The following TATDN3 variants were observed in gnomAD, a reference collection of about 807,000 sequenced individuals.
The protein encoded by TATDN3 is TatD DNase domain containing 3, also known as deoxyribonuclease TATDN3.
TATDN3 carries 29 observed loss-of-function variants against 40.1 expected under a neutral mutation model. The ratio of observed to expected loss-of-function variants is 0.72; its 90% CI spans 0.54 to 0.99. The LOEUF (loss-of-function observed/expected upper bound fraction) is 0.99, where lower values mean the gene tolerates loss of function less well. Ranked by LOEUF, TATDN3 falls within the 50% of genes least tolerant of loss-of-function variation. TATDN3 has a pLI of 0.00. For missense variants in TATDN3, 309 were observed against 321.9 expected, an observed-to-expected ratio of 0.96 and a Z score of 0.31; for synonymous variants, 105 against 117.0, an observed-to-expected ratio of 0.90 and a Z score of 0.66.
intron 9 of TATDN3, among the ~76,000 whole-genome samples, chr1:212,813,677 T>C (rs569296616): frequency 1.1e-3 from 170 of 151,352 alleles, no homozygotes; most frequent in African/African-American, 3.8e-3. Context: ...CCATCAGGCA[T>C]GTGCTACCAT....
intron 1 of TATDN3, among the ~76,000 whole-genome samples, chr1:212,794,206 G>C (rs1033650079): frequency 1.3e-5 from 2 of 151,850 alleles, no homozygotes; most frequent in Admixed American, 1.3e-4. Flanking sequence ...GTGTGAACCC[G>C]GGAGGCGGAG....
intron 8 of TATDN3, among the ~76,000 whole-genome samples, chr1:212,808,937 A>C (rs1272850285): frequency 6.6e-6 from 1 of 152,260 alleles, no homozygotes; most frequent in East Asian, 1.9e-4. Context: ...AAAAAGTAGA[A>C]ACAACCTAGA....
At chr1:212,796,935 C>T (rs994965978) in intron 3 of TATDN3, 177 bp from the exon 4 acceptor site, 20 of 538,354 alleles carry the variant, frequency 3.7e-5, no homozygotes, top group African/African-American at 3.3e-4. Flanking sequence ...AGGATTTCAC[C>T]ATGTTGGCCA....
At chr1:212,793,409 T>C (rs1661491768) in intron 1 of TATDN3, among the ~76,000 whole-genome samples, 2 of 152,078 alleles carry the variant, frequency 1.3e-5, no homozygotes, top group Admixed American at 1.3e-4. Context: ...AGACAGAGTT[T>C]TGCCATGTTG....
intron 7 of TATDN3, 31 bp from the exon 8 acceptor site, chr1:212,807,704 TG>T (rs1439304408): frequency 5.3e-6 from 8 of 1,518,724 alleles, no homozygotes; most frequent in Non-Finnish European, 7.2e-6. Context: ...GGACATAAAA[TG>T]GAATACTGCC....
intron 7 of TATDN3, among the ~76,000 whole-genome samples, chr1:212,807,155 AG>A (rs1218347404): frequency 6.6e-6 from 1 of 151,676 alleles, no homozygotes; most frequent in Admixed American, 6.6e-5. Flanking sequence ...CATGCTAGTC[AG>A]GCTTGTCTTG....
intron 9 of TATDN3, among the ~76,000 whole-genome samples, chr1:212,813,566 C>CTTTTTTTTTT (rs202183479): frequency 3.8e-5 from 5 of 130,966 alleles, no homozygotes; most frequent in African/African-American, 1.4e-4. Context: ...TCTTTCTTTT[C>CTTTTTTTTTT]TTTTTTTTTT....
chr1:212,804,951 A>G (rs1662370464), intron 7 of TATDN3, among the ~76,000 whole-genome samples: 1 of 152,110 alleles, frequency 6.6e-6, no homozygotes, highest in South Asian at 2.1e-4. Context: ...TAGCAGCTCC[A>G]GTTTCTTTTA....
intron 7 of TATDN3, among the ~76,000 whole-genome samples, chr1:212,806,838 A>ATATG (rs1364917712): frequency 2.4e-4 from 11 of 44,986 alleles, no homozygotes; most frequent in African/African-American, 7.7e-4. Context: ...ATATATATAC[A>ATATG]TATATACACA....
intron 9 of TATDN3, 86 bp downstream of exon 9, chr1:212,812,414 G>A (rs983774647): frequency 1.3e-6 from 1 of 760,336 alleles, no homozygotes; most frequent in Admixed American, 2.9e-5. Flanking sequence ...TCATTATAGT[G>A]TAAATACAGT....
At chr1:212,800,967 G>C (rs1164764055) in intron 4 of TATDN3, among the ~76,000 whole-genome samples, 2 of 151,536 alleles carry the variant, frequency 1.3e-5, no homozygotes, top group African/African-American at 2.4e-5. Flanking sequence ...CACTTTGGGA[G>C]GCTGAGGTGG....
At position 212,797,157 on chromosome 1, in the gene TATDN3, A is replaced by G; in HGVS notation, c.219A>G (p.Gln73=). 4 of 1,614,206 alleles carry G rather than the reference A, an allele frequency of 2.5e-6. No homozygotes were observed. In the Middle Eastern group the frequency reaches 4.9e-4, roughly 200 times the overall value. The change falls in exon 4 of 10, where the codon CAA becomes CAG. Residue 73 remains glutamine (Q), a synonymous_variant. Coordinates refer to ENST00000366974, the MANE Select transcript of TATDN3 (RefSeq NM_001042552.3). ...CATGCTTGGGTGTTCATCCAGTTCA[A>G]GGACTTCCACCAGAAGACCAAAGAA... is the stretch of plus-strand genomic sequence containing the variant. ...VLPCLGVHPV[Q]GLPPEDQRSV... is the part of the protein sequence containing the mutation.
At chr1:212,811,173 C>G (rs1425882383) in intron 8 of TATDN3, among the ~76,000 whole-genome samples, 1 of 150,518 alleles carries the variant, frequency 6.6e-6, no homozygotes. Flanking sequence ...TTTTTCCACT[C>G]TGGCTAGGCT....
At chr1:212,804,290 T>C in intron 5 of TATDN3, 30 bp from the exon 6 acceptor site, 1 of 1,541,642 alleles carries the variant, frequency 6.5e-7, no homozygotes, top group Non-Finnish European at 8.9e-7. Flanking sequence ...TAAACCTAAA[T>C]ATGTAATATC....
At chr1:212,800,512 A>G (rs921485282) in intron 4 of TATDN3, among the ~76,000 whole-genome samples, 3 of 151,482 alleles carry the variant, frequency 2.0e-5, no homozygotes, top group Non-Finnish European at 4.4e-5. Context: ...TACTGTTTCT[A>G]CTTGTTCCAC....
At chr1:212,806,613 T>A (rs1433421865) in intron 7 of TATDN3, among the ~76,000 whole-genome samples, 1 of 149,828 alleles carries the variant, frequency 6.7e-6, no homozygotes, top group African/African-American at 2.5e-5. Flanking sequence ...CTGAGCTCGC[T>A]CAAGAGATCC....
intron 8 of TATDN3, among the ~76,000 whole-genome samples, chr1:212,810,511 CAAAA>C (rs55912631): frequency 4.0e-5 from 2 of 49,724 alleles, no homozygotes; most frequent in African/African-American, 8.4e-5. Flanking sequence ...GACTCTGTCT[CAAAA>C]AAAAAAAAAA....
chr1:212,791,952 T>C lies in TATDN3; in HGVS notation c.31T>C (p.Cys11Arg). The part of the protein sequence containing the change: MRAAGVGLVD[C>R]HCHLSAPDFD... ...AGCGGCTGGCGTAGGCTTGGTGGAC[T>C]GTCACTGCCACCTCTCCGCCCCGGA... Residue 11 changes from cysteine to arginine, a missense_variant, in exon 1 of 10, where the codon TGT becomes CGT. Transcript: ENST00000366974. The C allele has an allele frequency of 6.2e-7, 1 of 1,613,926 alleles. No homozygotes were observed. The highest frequency in any genetic ancestry group is 8.5e-7 in the Non-Finnish European group (1 of 1,179,958).
In TATDN3 at chr1:212,804,232, A is replaced by G. The variant is rs1662326886; in HGVS notation, c.322-88A>G. 7 of 854,066 alleles carry G rather than the reference A, an allele frequency of 8.2e-6. No individual in the cohort carries two copies. In the South Asian group the frequency reaches 1.1e-4, roughly 13 times the overall value. The allele number at this position is 854,066 out of a possible 1,614,324, so 52.9% of individuals were successfully genotyped here. A position where few individuals can be genotyped will look rare whatever the true frequency, so the allele number is the denominator to read the frequency against. ...GGCTTGCTTTTGTGCCTCACATTAT[A>G]TATTTCTATTGGATAGCATCAATCC... On this transcript the variant is annotated intron_variant, in intron 5 of 9. Transcript: ENST00000366974.
Sources: gnomAD v4.1 joint callset for allele counts (sites outside exome capture counted in the v4.1 genomes callset) on GRCh38, gnomAD v4.1.1 for gene constraint, MANE v1.5 for transcripts, NCBI Gene and HGNC (gene_info 2026-07-23, HGNC 2026-07-21) for gene names.